The following DNAH7 variants were observed in gnomAD, a reference collection of about 807,000 sequenced individuals.
DNAH7 encodes the protein dynein axonemal heavy chain 7, also known as axonemal beta dynein heavy chain 7.
In DNAH7, 397 loss-of-function variants were observed where a neutral mutation model predicts 444.6. The observed-to-expected ratio is 0.89, with a 90% CI of 0.82 to 0.97. DNAH7 has a LOEUF of 0.97. DNAH7 is among the 50% of genes least tolerant of loss of function. The pLI is 0.00. For synonymous variants in DNAH7, 1,636 were observed against 1,624.4 expected (o/e 1.01, Z -0.17); for missense variants, 4,902 against 4,800.8 (o/e 1.02, Z -0.62).
At chr2:195,880,075 G>GA (rs1701287239) in intron 36 of DNAH7, among the ~76,000 whole-genome samples, 1 of 151,802 alleles carries the variant, frequency 6.6e-6, no homozygotes, top group Non-Finnish European at 1.5e-5. Flanking sequence ...AATTTGAAGA[G>GA]AAAAATCACT....
chr2:195,772,803 T>G (rs1229582786), intron 60 of DNAH7, among the ~76,000 whole-genome samples: 1 of 148,332 alleles, frequency 6.7e-6, no homozygotes, highest in Non-Finnish European at 1.5e-5. Context: ...TTTTTTGAGA[T>G]GTAGTCTCAC....
At chr2:195,830,495 A>C (rs1698011935) in intron 48 of DNAH7, among the ~76,000 whole-genome samples, 1 of 152,176 alleles carries the variant, frequency 6.6e-6, no homozygotes, top group South Asian at 2.1e-4. Flanking sequence ...ATTTTATCAA[A>C]AATAGACTCA....
In DNAH7 at chr2:195,881,815, C is replaced by G; in HGVS notation, c.5941G>C (p.Gly1981Arg). 6.2e-7 allele frequency: 1 copy of G among 1,613,992 alleles called. No individual in the cohort carries two copies. The highest frequency in any genetic ancestry group is 1.1e-5 in the South Asian group (1 of 91,080). ...PSIFVGPTGT[G>R]KSVYITNFLL... ...CTTACCGTAATGTAAACACTTTTCC[C>G]AGTTCCTGTTGGTCCTACAAATATT... The change falls in exon 36 of 65, where the codon GGG becomes CGG. Residue 1981 changes from glycine (G) to arginine (R), a missense_variant. Gly to Arg is a moderately radical substitution (Grantham distance 125). Transcript: ENST00000312428.
At chr2:195,758,201 C>T (rs1694176390) in intron 61 of DNAH7, among the ~76,000 whole-genome samples, 1 of 152,208 alleles carries the variant, frequency 6.6e-6, no homozygotes, top group South Asian at 2.1e-4. Context: ...CCACAGTCAA[C>T]AATCACCGGT....
At chr2:195,739,469 C>T (rs114641126) in intron 64 of DNAH7, among the ~76,000 whole-genome samples, 15 of 152,286 alleles carry the variant, frequency 9.8e-5, no homozygotes, top group Non-Finnish European at 2.2e-4. Context: ...TTTTCTTAAG[C>T]CATTTTCTCA....
intron 61 of DNAH7, among the ~76,000 whole-genome samples, chr2:195,771,414 C>T (rs966069774): frequency 6.6e-6 from 1 of 152,020 alleles, no homozygotes; most frequent in Non-Finnish European, 1.5e-5. Flanking sequence ...CACTGTGTCT[C>T]CTTAGCATAT....
chr2:195,972,208 C>T, intron 16 of DNAH7, 34 bp downstream of exon 16: 2 of 1,555,858 alleles, frequency 1.3e-6, no homozygotes, highest in South Asian at 1.2e-5. Context: ...AAAACATTTC[C>T]AGAAAATGAA....
At chr2:195,887,904 T>G (rs1701797436) in intron 33 of DNAH7, among the ~76,000 whole-genome samples, 1 of 150,600 alleles carries the variant, frequency 6.6e-6, no homozygotes, top group Non-Finnish European at 1.5e-5. Flanking sequence ...TTTCCAGTCC[T>G]TCTACCATGG....
chr2:195,788,031 G>A (rs1390161516), intron 57 of DNAH7, among the ~76,000 whole-genome samples: 1 of 152,232 alleles, frequency 6.6e-6, no homozygotes, highest in Non-Finnish European at 1.5e-5. Flanking sequence ...GCCATCTTGA[G>A]TAGAGACACT....
intron 57 of DNAH7, 42 bp from the exon 58 acceptor site, chr2:195,787,213 T>A (rs200174261): frequency 2.0e-5 from 31 of 1,526,092 alleles, no homozygotes; most frequent in Non-Finnish European, 2.7e-5. Context: ...ATTTTCTCCA[T>A]ATATTGCATT....
chr2:196,049,513 A>G (rs901516119), intron 3 of DNAH7, among the ~76,000 whole-genome samples: 1 of 152,252 alleles, frequency 6.6e-6, no homozygotes, highest in African/African-American at 2.4e-5. Context: ...TCTGTAAAGA[A>G]AATCACTCCA....
At chr2:195,785,018 T>C (rs1340124570) in intron 58 of DNAH7, among the ~76,000 whole-genome samples, 1 of 151,902 alleles carries the variant, frequency 6.6e-6, no homozygotes, top group Non-Finnish European at 1.5e-5. Context: ...TTCACGCCAT[T>C]CTCCTGCCTC....
At chr2:195,892,050 ATACT>A (rs1175200137) in intron 30 of DNAH7, among the ~76,000 whole-genome samples, 2 of 152,132 alleles carry the variant, frequency 1.3e-5, no homozygotes, top group Non-Finnish European at 2.9e-5. Flanking sequence ...AGCTCACAAA[ATACT>A]TAGGAAGAAA....
chr2:195,912,116 G>A (rs1247033073), intron 24 of DNAH7, among the ~76,000 whole-genome samples: 1 of 152,138 alleles, frequency 6.6e-6, no homozygotes, highest in African/African-American at 2.4e-5. Context: ...TAAGAAGACC[G>A]TAAGTGAGTG....
chr2:195,801,273 C>CT (rs67153831), intron 54 of DNAH7, among the ~76,000 whole-genome samples: 1 of 151,890 alleles, frequency 6.6e-6, no homozygotes, highest in African/African-American at 2.4e-5. Context: ...ACCAAAAGTA[C>CT]TTTTTTTCCT....
At chr2:195,879,432 C>T (rs544937126) in intron 36 of DNAH7, among the ~76,000 whole-genome samples, 1 of 152,212 alleles carries the variant, frequency 6.6e-6, no homozygotes, top group Non-Finnish European at 1.5e-5. Flanking sequence ...TGCCCTAATT[C>T]CAGGAGTTTA....
intron 1 of DNAH7, chr2:196,063,428 G>A (rs1698244009): frequency 6.6e-6 from 1 of 152,172 alleles, no homozygotes; most frequent in African/African-American, 2.4e-5. Flanking sequence ...TGTTTAAAAC[G>A]CCTTCAACAG....
intron 63 of DNAH7, among the ~76,000 whole-genome samples, chr2:195,753,653 G>C (rs181738357): frequency 1.1e-4 from 16 of 152,230 alleles, no homozygotes; most frequent in Admixed American, 2.6e-4. Flanking sequence ...AGACAATTTT[G>C]ATAAAATTCT....
At chr2:196,001,596 G>A (rs1694038558) in intron 11 of DNAH7, 79 bp downstream of exon 11, 3 of 1,287,180 alleles carry the variant, frequency 2.3e-6, no homozygotes, top group Admixed American at 2.6e-5. Context: ...CTCACTGATA[G>A]AGATGTTATT....
Sources: allele counts gnomAD v4.1 joint callset (sites outside exome capture counted in the v4.1 genomes callset), GRCh38; gene constraint gnomAD v4.1.1; transcripts MANE v1.5; gene names NCBI Gene and HGNC (gene_info 2026-07-23, HGNC 2026-07-21).